Variants in RBFOX1 observed in about 807,000 individuals in gnomAD.
RBFOX1 encodes RNA binding fox-1 homolog 1, also known as RNA binding protein fox-1 homolog 1.
In RBFOX1, 8 loss-of-function variants were observed where a neutral mutation model predicts 57.7. That is an observed-to-expected ratio of 0.14 (90% CI 0.08 to 0.25). The LOEUF is 0.25. Among genes scored for constraint, RBFOX1 ranks in the 10% least tolerant of loss-of-function variants. The probability of loss-of-function intolerance (pLI) is 1.00; values close to 1 mark genes in which losing one functional copy is unlikely to be tolerated. For missense variants in RBFOX1, 611 were observed against 548.5 expected (o/e 1.11, Z -1.14); for synonymous variants, 326 against 222.4 (o/e 1.47, Z -4.15).
intron 1 of RBFOX1, among the ~76,000 whole-genome samples, chr16:6,193,499 G>T (rs1286068256): frequency 7.0e-6 from 1 of 142,998 alleles, no homozygotes; most frequent in Non-Finnish European, 1.5e-5. Flanking sequence ...TCATTTACTG[G>T]CTAAGTGACC....
chr16:6,481,893 A>G (rs2095376444), intron 2 of RBFOX1, among the ~76,000 whole-genome samples: 1 of 152,206 alleles, frequency 6.6e-6, no homozygotes, highest in Non-Finnish European at 1.5e-5. Flanking sequence ...TGTTAATATC[A>G]TATTAAAAAC....
At chr16:5,705,504 G>C (rs186944642) in intron 3 of RBFOX1, among the ~76,000 whole-genome samples, 43 of 152,296 alleles carry the variant, frequency 2.8e-4, no homozygotes, top group African/African-American at 1.0e-3. Context: ...CTCAAGCAAG[G>C]ATCTCTCAGC....
At chr16:5,635,929 C>A (rs2159297) in intron 3 of RBFOX1, among the ~76,000 whole-genome samples, 73,723 of 152,184 alleles carry the variant, frequency 0.48, 21,554 homozygotes, top group Non-Finnish European at 0.67. Context: ...ATTTAACATT[C>A]CAGGTGCAGT....
At chr16:7,094,381 C>G (rs537203137) in intron 4 of RBFOX1, among the ~76,000 whole-genome samples, 1 of 148,452 alleles carries the variant, frequency 6.7e-6, no homozygotes, top group Non-Finnish European at 1.5e-5. Flanking sequence ...ATTTATTATC[C>G]GAAGACATTC....
intron 4 of RBFOX1, among the ~76,000 whole-genome samples, chr16:7,210,143 G>C (rs1922591): frequency 6.6e-6 from 1 of 151,964 alleles, no homozygotes; most frequent in African/African-American, 2.4e-5. Flanking sequence ...ATTCAATAAG[G>C]GTGATAATGA....
At chr16:6,945,781 C>G (rs761485195) in intron 3 of RBFOX1, among the ~76,000 whole-genome samples, 1 of 152,156 alleles carries the variant, frequency 6.6e-6, no homozygotes, top group Non-Finnish European at 1.5e-5. Flanking sequence ...ATCCCAGCTA[C>G]TTCGGAGGCC....
At chr16:5,888,036 A>G (rs1298001232) in intron 4 of RBFOX1, among the ~76,000 whole-genome samples, 1 of 152,202 alleles carries the variant, frequency 6.6e-6, no homozygotes, top group Non-Finnish European at 1.5e-5. Context: ...GCATTCCTGC[A>G]AGACAGCCTT....
chr16:6,914,748 C>T (rs759708407), intron 3 of RBFOX1, among the ~76,000 whole-genome samples: 1 of 152,082 alleles, frequency 6.6e-6, no homozygotes, highest in Non-Finnish European at 1.5e-5. Context: ...GTGGTGTGCA[C>T]CTGTAGTCCC....
intron 12 of RBFOX1, among the ~76,000 whole-genome samples, chr16:7,657,415 C>A (rs2066583951): frequency 6.6e-6 from 1 of 152,210 alleles, no homozygotes; most frequent in African/African-American, 2.4e-5. Flanking sequence ...AGTGATTCTC[C>A]CACCTCAGCC....
At chr16:7,034,467 C>A (rs961322236) in intron 3 of RBFOX1, among the ~76,000 whole-genome samples, 1 of 152,082 alleles carries the variant, frequency 6.6e-6, no homozygotes, top group Admixed American at 6.5e-5. Flanking sequence ...CCTTGCTGGG[C>A]TCCAGCTGGC....
intron 1 of RBFOX1, among the ~76,000 whole-genome samples, chr16:5,288,837 C>T (rs889525405): frequency 6.6e-6 from 1 of 152,028 alleles, no homozygotes; most frequent in Non-Finnish European, 1.5e-5. Flanking sequence ...AACCATAAAA[C>T]TCATATAGGC....
At chr16:6,319,250 C>T (rs796821645) in intron 2 of RBFOX1, among the ~76,000 whole-genome samples, 3 of 152,196 alleles carry the variant, frequency 2.0e-5, no homozygotes, top group African/African-American at 7.2e-5. Context: ...TTTGATATGT[C>T]CATTGGCTTC....
chr16:7,236,362 C>T (rs1436324395), intron 4 of RBFOX1, among the ~76,000 whole-genome samples: 3 of 152,060 alleles, frequency 2.0e-5, no homozygotes, highest in African/African-American at 7.2e-5. Flanking sequence ...ACATTTCTCC[C>T]CTTCCTATTT....
At chr16:7,450,458 A>T (rs1010307417) in intron 4 of RBFOX1, among the ~76,000 whole-genome samples, 4 of 149,732 alleles carry the variant, frequency 2.7e-5, no homozygotes, top group Non-Finnish European at 5.9e-5. Flanking sequence ...GGGACTGTGG[A>T]TGATAAATTC....
intron 3 of RBFOX1, among the ~76,000 whole-genome samples, chr16:7,029,690 G>T (rs1159596105): frequency 6.6e-6 from 1 of 152,104 alleles, no homozygotes; most frequent in African/African-American, 2.4e-5. Context: ...GATGAAAGAA[G>T]CTGGGAGACT....
At chr16:6,280,993 G>A (rs1360455534) in intron 1 of RBFOX1, among the ~76,000 whole-genome samples, 1 of 151,014 alleles carries the variant, frequency 6.6e-6, no homozygotes, top group South Asian at 2.2e-4. Context: ...ATATGTGTGT[G>A]TGTATATATG....
chr16:5,498,677 A>G (rs2151690670), intron 2 of RBFOX1, among the ~76,000 whole-genome samples: 1 of 152,358 alleles, frequency 6.6e-6, no homozygotes, highest in African/African-American at 2.4e-5. Context: ...TAAGCATTTG[A>G]GAGATGGATA....
chr16:6,235,827 A>G (rs1016929170), intron 1 of RBFOX1, among the ~76,000 whole-genome samples: 6 of 152,112 alleles, frequency 3.9e-5, no homozygotes, highest in Admixed American at 6.6e-5. Flanking sequence ...AGGCACAAGA[A>G]TGATACAATG....
At chr16:6,497,174 C>G (rs553214702) in intron 2 of RBFOX1, among the ~76,000 whole-genome samples, 16 of 152,230 alleles carry the variant, frequency 1.1e-4, no homozygotes, top group Admixed American at 1.0e-3. Context: ...AACTTGGCAA[C>G]AGGCCGACTA....
Sources: allele counts gnomAD v4.1 joint callset (sites outside exome capture counted in the v4.1 genomes callset), GRCh38; gene constraint gnomAD v4.1.1; transcripts MANE v1.5; gene names NCBI Gene and HGNC (gene_info 2026-07-23, HGNC 2026-07-21).